CDH13: variants seen among roughly 807,000 people sequenced by gnomAD.
CDH13 encodes cadherin-13.
In CDH13, 24 loss-of-function variants were observed where a neutral mutation model predicts 63.8. The observed-to-expected ratio is 0.38, with a 90% CI of 0.27 to 0.53. The LOEUF (loss-of-function observed/expected upper bound fraction) is 0.53. Among genes scored for constraint, CDH13 ranks in the 20% least tolerant of loss-of-function variants. The pLI is 0.85. For synonymous variants in CDH13, 503 were observed against 355.3 expected, an observed-to-expected ratio of 1.42 and a Z score of -4.67; for missense variants, 1,049 against 903.1, an observed-to-expected ratio of 1.16 and a Z score of -2.07.
chr16:83,027,229 T>G (rs183885583), intron 2 of CDH13, among the ~76,000 whole-genome samples: 1 of 151,678 alleles, frequency 6.6e-6, no homozygotes, highest in Non-Finnish European at 1.5e-5. Context: ...ATGCTGTTCA[T>G]TGCTGAAGAT....
At chr16:83,204,494 G>A (rs1015274614) in intron 4 of CDH13, among the ~76,000 whole-genome samples, 55 of 152,112 alleles carry the variant, frequency 3.6e-4, no homozygotes, top group African/African-American at 1.3e-3. Context: ...CATTTCCTAT[G>A]TCTCAGGTCA....
rs112894054 is a variant in CDH13 at position 82,801,149 on chromosome 16, G to A, written c.46-57213G>A. On this transcript the variant is annotated intron_variant, in intron 1 of 13. Transcript: ENST00000567109. ...ACAGAAAGTGTCCAAATCCCACTTG[G>A]CTTCCTAACCTCTCAGACTCACTCT... 4.6e-5 allele frequency among the ~76,000 whole-genome samples: 7 copies of A among 152,194 alleles called. 1 individual carries two copies. The highest frequency in any genetic ancestry group is 1.7e-4 in the African/African-American group (7 of 41,532).
chr16:83,412,216 C>A (rs1269855703), intron 6 of CDH13, among the ~76,000 whole-genome samples: 1 of 152,236 alleles, frequency 6.6e-6, no homozygotes. Context: ...AATCCCAGCA[C>A]TTTGGGAGGC....
chr16:82,978,470 C>G (rs1346180832), intron 2 of CDH13, among the ~76,000 whole-genome samples: 1 of 152,192 alleles, frequency 6.6e-6, no homozygotes, highest in Non-Finnish European at 1.5e-5. Flanking sequence ...CTTTGTGGGC[C>G]AGGCCCAAGT....
chr16:82,862,462 C>A (rs1284144165), intron 2 of CDH13, among the ~76,000 whole-genome samples: 3 of 152,196 alleles, frequency 2.0e-5, no homozygotes, highest in Non-Finnish European at 4.4e-5. Flanking sequence ...AGAAACCATA[C>A]CCTTGACCTC....
At chr16:83,393,575 G>A (rs570260176) in intron 6 of CDH13, among the ~76,000 whole-genome samples, 4 of 152,260 alleles carry the variant, frequency 2.6e-5, no homozygotes, top group South Asian at 4.2e-4. Flanking sequence ...AGTTTTGTGC[G>A]GAGGAGACAT....
intron 2 of CDH13, among the ~76,000 whole-genome samples, chr16:82,900,817 G>A (rs955461987): frequency 6.6e-6 from 1 of 152,204 alleles, no homozygotes; most frequent in African/African-American, 2.4e-5. Flanking sequence ...CTTTCTGGCT[G>A]GGTAAATGCC....
chr16:83,595,715 A>T (rs1907188621), intron 7 of CDH13, among the ~76,000 whole-genome samples: 1 of 152,228 alleles, frequency 6.6e-6, no homozygotes, highest in Non-Finnish European at 1.5e-5. Context: ...CACTGACCGC[A>T]ATCAGCCACA....
At chr16:82,819,343 G>C (rs969684935) in intron 1 of CDH13, among the ~76,000 whole-genome samples, 2 of 152,212 alleles carry the variant, frequency 1.3e-5, no homozygotes, top group African/African-American at 4.8e-5. Flanking sequence ...CAGTGACACA[G>C]ATTCTAGTAT....
At chr16:83,117,163 C>G (rs902604780) in intron 3 of CDH13, among the ~76,000 whole-genome samples, 2 of 152,218 alleles carry the variant, frequency 1.3e-5, no homozygotes, top group African/African-American at 4.8e-5. Context: ...CAGCTCAAAA[C>G]CCTTCCAGGG....
At chr16:83,378,351 G>A (rs2091494069) in intron 6 of CDH13, among the ~76,000 whole-genome samples, 1 of 152,230 alleles carries the variant, frequency 6.6e-6, no homozygotes, top group African/African-American at 2.4e-5. Flanking sequence ...TCAGCGGAGA[G>A]GGACTTCTTG....
intron 4 of CDH13, among the ~76,000 whole-genome samples, chr16:83,206,679 G>C (rs1051442112): frequency 2.0e-5 from 3 of 152,232 alleles, no homozygotes; most frequent in Admixed American, 2.0e-4. Context: ...AGTCTAATCA[G>C]AGAGATGGCT....
At chr16:82,963,990 G>C (rs751707088) in intron 2 of CDH13, among the ~76,000 whole-genome samples, 2 of 152,194 alleles carry the variant, frequency 1.3e-5, no homozygotes, top group East Asian at 3.9e-4. Flanking sequence ...GTTCACACAG[G>C]GAACACCAGT....
intron 4 of CDH13, among the ~76,000 whole-genome samples, chr16:83,198,339 A>G (rs2038934646): frequency 6.6e-6 from 1 of 152,080 alleles, no homozygotes; most frequent in Non-Finnish European, 1.5e-5. Context: ...ACACACACAC[A>G]CACACACACA....
At chr16:83,652,711 C>T (rs981231824) in intron 8 of CDH13, among the ~76,000 whole-genome samples, 3 of 152,156 alleles carry the variant, frequency 2.0e-5, no homozygotes, top group Admixed American at 1.3e-4. Flanking sequence ...AGGAGCAACC[C>T]AAGGGCTACA....
At chr16:83,444,572 A>T (rs2151500450) in intron 6 of CDH13, among the ~76,000 whole-genome samples, 1 of 152,308 alleles carries the variant, frequency 6.6e-6, no homozygotes, top group Non-Finnish European at 1.5e-5. Context: ...TGAGCACCAG[A>T]ACCATGTCCT....
intron 5 of CDH13, among the ~76,000 whole-genome samples, chr16:83,290,326 T>C (rs1456704924): frequency 6.6e-6 from 1 of 152,178 alleles, no homozygotes; most frequent in African/African-American, 2.4e-5. Flanking sequence ...TCACCTTGAA[T>C]TGTAATAATC....
intron 6 of CDH13, among the ~76,000 whole-genome samples, chr16:83,416,517 A>G (rs1465305873): frequency 6.6e-6 from 1 of 152,132 alleles, no homozygotes. Flanking sequence ...CCCAATATTC[A>G]GTTAATAACA....
chr16:83,015,233 A>C (rs1250853489), intron 2 of CDH13, among the ~76,000 whole-genome samples: 1 of 151,864 alleles, frequency 6.6e-6, no homozygotes, highest in Admixed American at 6.6e-5. Flanking sequence ...ATTTTTAATT[A>C]TTTTTGTATT....
Sources: gnomAD v4.1 joint callset for allele counts (sites outside exome capture counted in the v4.1 genomes callset) on GRCh38, gnomAD v4.1.1 for gene constraint, MANE v1.5 for transcripts, NCBI Gene and HGNC (gene_info 2026-07-23, HGNC 2026-07-21) for gene names.